TRPV3: variants seen among roughly 807,000 people sequenced by gnomAD.
TRPV3 encodes VRL-3.
A neutral mutation model predicts 87.1 loss-of-function variants in TRPV3; 88 were observed. The observed-to-expected ratio is 1.01, with a 90% CI of 0.85 to 1.21. The LOEUF is 1.21. TRPV3 is among the 50% of genes most tolerant of loss of function. The pLI is 0.00. For missense variants in TRPV3, 1,054 were observed against 1,030.1 expected (o/e 1.02, Z -0.32); for synonymous variants, 438 against 423.3 (o/e 1.03, Z -0.43).
In TRPV3 at chr17:3,513,679, G is replaced by T. The variant is rs1193639732; in HGVS notation, c.*238C>A. ...GCTCCCAGGCTCCAGACTGCTGCTG[G>T]CTGTAGGTTTACACCAGCTGTTTGC... On this transcript the variant is annotated 3_prime_UTR_variant, in exon 18 of 18. Coordinates refer to ENST00000576742, the MANE Select transcript of TRPV3 (RefSeq NM_145068.4). 1.1e-5 allele frequency: 5 copies of T among 441,140 alleles called. No homozygotes were observed. Among genetic ancestry groups the T allele is most frequent in the Non-Finnish European group, 2.0e-5 (5 of 248,476 alleles). The allele number at this position is 441,140 out of a possible 1,614,324, so 27.3% of individuals were successfully genotyped here. A position where few individuals can be genotyped will look rare whatever the true frequency, so the allele number is the denominator to read the frequency against.
chr17:3,546,127 G>A (rs957437064), intron 2 of TRPV3, among the ~76,000 whole-genome samples: 20 of 152,188 alleles, frequency 1.3e-4, no homozygotes, highest in Middle Eastern at 3.4e-3. Flanking sequence ...TTCATCTTGC[G>A]CTCAGTAAAT....
intron 2 of TRPV3, among the ~76,000 whole-genome samples, chr17:3,548,124 G>A (rs144681995): frequency 8.5e-5 from 13 of 152,294 alleles, no homozygotes; most frequent in South Asian, 2.1e-4. Context: ...CCAGGCACAC[G>A]GGGCTCCTAA....
intron 6 of TRPV3, among the ~76,000 whole-genome samples, chr17:3,538,905 G>T (rs969674556): frequency 2.0e-5 from 3 of 152,126 alleles, no homozygotes; most frequent in African/African-American, 4.8e-5. Context: ...CTTTAAATAT[G>T]CATGCGGTTG....
chr17:3,539,107 A>G (rs1202266801), intron 6 of TRPV3, among the ~76,000 whole-genome samples: 1 of 152,148 alleles, frequency 6.6e-6, no homozygotes, highest in Non-Finnish European at 1.5e-5. Context: ...AAGAAGCTAG[A>G]CTTTCATATT....
intron 2 of TRPV3, among the ~76,000 whole-genome samples, chr17:3,546,033 A>G (rs1305407847): frequency 6.6e-6 from 1 of 150,806 alleles, no homozygotes; most frequent in Admixed American, 6.6e-5. Context: ...GCACAGGGCC[A>G]CGTTCTTGTG....
rs945289076 is a variant in TRPV3 at position 3,530,067 on chromosome 17, T to C, written c.1202A>G (p.Asn401Ser). ...GTAGACAGTGATTTCCAGCACTGAGTTGTCCGTGGTGGTGTCCACGTTGGT... is the reference window on the plus strand; with the variant it reads ...GTAGACAGTGATTTCCAGCACTGAGCTGTCCGTGGTGGTGTCCACGTTGGT... ...DLTNVDTTTD[N>S]SVLEITVYNT... Residue 401 changes from asparagine (N) to serine (S), a missense_variant, in exon 9 of 18, where the codon AAC becomes AGC. Physicochemically the swap from Asn to Ser is conservative, Grantham distance 46 (BLOSUM62 1). Coordinates refer to ENST00000576742, the MANE Select transcript of TRPV3 (RefSeq NM_145068.4). The surrounding 1 kb of genome is among the most constrained non-coding windows in gnomAD (Gnocchi z 4.0). The C allele has an allele frequency of 1.2e-6, 2 of 1,613,848 alleles. No individual in the cohort carries two copies. The highest frequency in any genetic ancestry group is 2.2e-5 in the South Asian group (2 of 90,982).
intron 9 of TRPV3, 104 bp from the exon 10 acceptor site, chr17:3,529,099 C>G: frequency 7.8e-7 from 1 of 1,277,786 alleles, no homozygotes; most frequent in Non-Finnish European, 1.1e-6. Context: ...AGAAGGGGCC[C>G]ATCATTATGC....
At chr17:3,553,465 C>G (rs547878317) in intron 2 of TRPV3, 1 of 152,986 alleles carries the variant, frequency 6.5e-6, no homozygotes, top group East Asian at 1.9e-4. Context: ...ACTCGCCTCC[C>G]CAAAGACTCC....
At chr17:3,552,087 A>T (rs996247879) in intron 2 of TRPV3, 3 of 151,090 alleles carry the variant, frequency 2.0e-5, no homozygotes, top group African/African-American at 7.3e-5. Context: ...GGGTTTCACC[A>T]TGTTGGCCAG....
chr17:3,515,218 T>C (rs1309839060), intron 16 of TRPV3, among the ~76,000 whole-genome samples: 1 of 152,174 alleles, frequency 6.6e-6, no homozygotes, highest in Non-Finnish European at 1.5e-5. Flanking sequence ...CAACTGTTTG[T>C]TAGGGTAATG....
At chr17:3,544,412 C>T (rs2074502582) in intron 4 of TRPV3, among the ~76,000 whole-genome samples, 167 bp downstream of exon 4, 1 of 152,156 alleles carries the variant, frequency 6.6e-6, no homozygotes, top group Non-Finnish European at 1.5e-5. Flanking sequence ...TTCAATACTC[C>T]ACTCCTTCCC....
chr17:3,543,650 A>C, intron 4 of TRPV3, 22 bp from the exon 5 acceptor site: 1 of 1,613,144 alleles, frequency 6.2e-7, no homozygotes, highest in Non-Finnish European at 8.5e-7. Flanking sequence ...AAATGTTTCC[A>C]ACTCAACACA....
At chr17:3,525,051 G>T (rs1331592522) in intron 12 of TRPV3, among the ~76,000 whole-genome samples, 2 of 152,146 alleles carry the variant, frequency 1.3e-5, no homozygotes, top group Admixed American at 1.3e-4. Flanking sequence ...ACAGGGTCTT[G>T]CTCTGTCACC....
At chr17:3,532,612 T>A in intron 8 of TRPV3, 45 bp downstream of exon 8, 1 of 1,603,054 alleles carries the variant, frequency 6.2e-7, no homozygotes, top group Middle Eastern at 1.9e-4. Context: ...CAGCTGTACC[T>A]CCTGACCTCC....
At chr17:3,552,511 C>G (rs1327884345) in intron 2 of TRPV3, 2 of 152,314 alleles carry the variant, frequency 1.3e-5, no homozygotes, top group Non-Finnish European at 1.5e-5. Flanking sequence ...TTATTCTTTT[C>G]TGTTTCTCTC....
rs367883200 is a variant in TRPV3 at position 3,530,073 on chromosome 17, G to A, written c.1196C>T (p.Thr399Met). The change falls in exon 9 of 18, where the codon ACG becomes ATG. Residue 399 changes from threonine (T) to methionine (M), a missense_variant. Transcript: ENST00000576742. The surrounding 1 kb of genome is among the most constrained non-coding windows in gnomAD (Gnocchi z 4.0). ...AGTGATTTCCAGCACTGAGTTGTCCGTGGTGGTGTCCACGTTGGTGAGGTC... is the reference window on the plus strand; with the variant it reads ...AGTGATTTCCAGCACTGAGTTGTCCATGGTGGTGTCCACGTTGGTGAGGTC... ...LYDLTNVDTT[T>M]DNSVLEITVY... is the part of the protein sequence containing the mutation. 15 of 1,614,050 alleles carry A rather than the reference G, an allele frequency of 9.3e-6. No individual in the cohort carries two copies. In the African/African-American group the frequency reaches 1.5e-4, roughly 16 times the overall value.
At chr17:3,519,657 G>A in intron 14 of TRPV3, among the ~76,000 whole-genome samples, 1 of 146,842 alleles carries the variant, frequency 6.8e-6, no homozygotes, top group Non-Finnish European at 1.5e-5. Context: ...TAGATGGATG[G>A]ATGGACTGAT....
Position 3,530,342 on chromosome 17 carries a change from A to T in TRPV3, c.1066-139T>A. The T allele has an allele frequency of 2.5e-6, 2 of 786,942 alleles. No homozygotes were observed. Among genetic ancestry groups the T allele is most frequent in the Non-Finnish European group, 3.9e-6 (2 of 511,596 alleles). The allele number at this position is 786,942 out of a possible 1,614,324, so 48.7% of individuals were successfully genotyped here. A position where few individuals can be genotyped will look rare whatever the true frequency, so the allele number is the denominator to read the frequency against. On this transcript the variant is annotated intron_variant, in intron 8 of 17. Transcript: ENST00000576742. This position sits in a 1 kb window ranked among gnomAD's most constrained non-coding sequence, Gnocchi z 4.0. Reference sequence around the variant, plus strand: ...GAGACCTGCCTCTGCGCCTGGCGCCATGGCCCCTGGGCCCCGTCTTTATCT... The same window carrying T: ...GAGACCTGCCTCTGCGCCTGGCGCCTTGGCCCCTGGGCCCCGTCTTTATCT...
In TRPV3 at chr17:3,526,875, T is replaced by G. The variant is rs2074304682; in HGVS notation, c.1556A>C (p.Asp519Ala). Residue 519 changes from aspartate to alanine, a missense_variant, in exon 12 of 18, where the codon GAT (aspartate) becomes GCT (alanine). By Grantham distance (126) the Asp-to-Ala change is moderately radical. Coordinates refer to ENST00000576742, the MANE Select transcript of TRPV3 (RefSeq NM_145068.4). ...RPSDLQSILS[D>A]AWFHFVFFIQ... ...TTACAAGACAAAGTGGAACCAGGCA[T>G]CCGAGAGGATGGACTGCAGATCCGA... 1 of 1,611,686 alleles carries G rather than the reference T, an allele frequency of 6.2e-7. No individual in the cohort carries two copies. Among genetic ancestry groups the G allele is most frequent in the African/African-American group, 1.3e-5 (1 of 74,870 alleles).
Sources: gnomAD v4.1 joint callset for allele counts (sites outside exome capture counted in the v4.1 genomes callset) on GRCh38, gnomAD v4.1.1 for gene constraint, Gnocchi (gnomAD v3.1) non-coding constraint, MANE v1.5 for transcripts, NCBI Gene and HGNC (gene_info 2026-07-23, HGNC 2026-07-21) for gene names.